The following ZNF804B variants were observed in gnomAD, a reference collection of about 807,000 sequenced individuals.
ZNF804B encodes zinc finger protein 804B.
Under a neutral mutation model 101.4 loss-of-function variants are expected in ZNF804B, and 80 were observed. The ratio of observed to expected loss-of-function variants is 0.79; its 90% CI spans 0.66 to 0.95. The LOEUF (loss-of-function observed/expected upper bound fraction) is 0.95, where lower values mean the gene tolerates loss of function less well. Ranked by LOEUF, ZNF804B falls within the 40% of genes least tolerant of loss-of-function variation. The pLI, the probability that ZNF804B is intolerant of heterozygous loss-of-function variation, is 0.00. For synonymous variants in ZNF804B, 622 were observed against 558.8 expected (o/e 1.11, Z -1.59); for missense variants, 1,673 against 1,561.9 (o/e 1.07, Z -1.20).
At chr7:88,997,171 G>C (rs559322351) in intron 1 of ZNF804B, among the ~76,000 whole-genome samples, 1 of 152,186 alleles carries the variant, frequency 6.6e-6, no homozygotes, top group South Asian at 2.1e-4. Flanking sequence ...ACTAGATCCA[G>C]ATTTGGGAGA....
chr7:89,208,460 G>A (rs1281305671), intron 1 of ZNF804B, among the ~76,000 whole-genome samples: 1 of 152,142 alleles, frequency 6.6e-6, no homozygotes, highest in Non-Finnish European at 1.5e-5. Flanking sequence ...ATCTGTATCT[G>A]ATCATTAAGA....
intron 2 of ZNF804B, among the ~76,000 whole-genome samples, chr7:89,229,699 A>T (rs1789158515): frequency 1.3e-5 from 2 of 152,264 alleles, no homozygotes; most frequent in African/African-American, 4.8e-5. Flanking sequence ...CTGAACAGTT[A>T]CATCAATCAA....
At chr7:88,810,769 A>G (rs769368696) in intron 1 of ZNF804B, among the ~76,000 whole-genome samples, 1 of 152,172 alleles carries the variant, frequency 6.6e-6, no homozygotes, top group Non-Finnish European at 1.5e-5. Context: ...GCACTTTGTT[A>G]AATAACCTTC....
intron 1 of ZNF804B, among the ~76,000 whole-genome samples, chr7:88,919,056 A>G (rs1408269579): frequency 6.6e-6 from 1 of 152,122 alleles, no homozygotes; most frequent in Non-Finnish European, 1.5e-5. Context: ...TTCAAATCTC[A>G]ATCATATATT....
chr7:89,180,749 T>C (rs1788285379), intron 1 of ZNF804B, among the ~76,000 whole-genome samples: 1 of 151,300 alleles, frequency 6.6e-6, no homozygotes, highest in South Asian at 2.1e-4. Flanking sequence ...GAAAGGGTGA[T>C]GCAAGCACTC....
intron 1 of ZNF804B, among the ~76,000 whole-genome samples, chr7:88,887,697 T>C (rs1333550091): frequency 6.6e-6 from 1 of 152,080 alleles, no homozygotes; most frequent in African/African-American, 2.4e-5. Flanking sequence ...AATTATATTA[T>C]GCCCAGCTTA....
chr7:89,082,930 A>G (rs1442837642), intron 1 of ZNF804B, among the ~76,000 whole-genome samples: 1 of 151,796 alleles, frequency 6.6e-6, no homozygotes, highest in African/African-American at 2.4e-5. Flanking sequence ...TTTGATATGT[A>G]GATAATTACA....
chr7:89,202,015 G>A (rs1012662695), intron 1 of ZNF804B, among the ~76,000 whole-genome samples: 1 of 151,796 alleles, frequency 6.6e-6, no homozygotes, highest in African/African-American at 2.4e-5. Flanking sequence ...GTTGTCCTTT[G>A]TATCTTATGA....
intron 1 of ZNF804B, among the ~76,000 whole-genome samples, chr7:89,002,827 G>A (rs1788308780): frequency 6.6e-6 from 1 of 151,910 alleles, no homozygotes; most frequent in Non-Finnish European, 1.5e-5. Context: ...ACAAAAAATA[G>A]AGGATTAATG....
chr7:88,790,513 A>T (rs568539702), intron 1 of ZNF804B, among the ~76,000 whole-genome samples: 8 of 152,184 alleles, frequency 5.3e-5, no homozygotes, highest in African/African-American at 1.9e-4. Context: ...ATAAGTGAGA[A>T]CATGAGGTAT....
At chr7:89,102,188 T>G (rs1390897782) in intron 1 of ZNF804B, among the ~76,000 whole-genome samples, 1 of 151,972 alleles carries the variant, frequency 6.6e-6, no homozygotes, top group Non-Finnish European at 1.5e-5. Flanking sequence ...GGGTAGATAT[T>G]CAGTAGAAGG....
At chr7:89,259,614 C>T (rs1789681892) in intron 2 of ZNF804B, among the ~76,000 whole-genome samples, 1 of 152,092 alleles carries the variant, frequency 6.6e-6, no homozygotes, top group Non-Finnish European at 1.5e-5. Flanking sequence ...CTAATGACCC[C>T]CTGATTTAGC....
At chr7:89,037,652 G>A (rs960535047) in intron 1 of ZNF804B, among the ~76,000 whole-genome samples, 1 of 151,780 alleles carries the variant, frequency 6.6e-6, no homozygotes, top group Non-Finnish European at 1.5e-5. Flanking sequence ...ATCAGTTTTT[G>A]TGTGTGATAA....
chr7:89,072,914 A>T (rs1036023451), intron 1 of ZNF804B, among the ~76,000 whole-genome samples: 4 of 152,150 alleles, frequency 2.6e-5, no homozygotes, highest in East Asian at 1.9e-4. Context: ...CACCTGGGCA[A>T]TAAACTATTA....
At chr7:89,107,750 A>G (rs1463015793) in intron 1 of ZNF804B, among the ~76,000 whole-genome samples, 5 of 152,166 alleles carry the variant, frequency 3.3e-5, no homozygotes, top group Non-Finnish European at 7.3e-5. Context: ...ATGGAGTTGT[A>G]TCCTATGTCT....
intron 1 of ZNF804B, among the ~76,000 whole-genome samples, chr7:89,066,359 A>G (rs1316300895): frequency 6.6e-6 from 1 of 152,078 alleles, no homozygotes; most frequent in Non-Finnish European, 1.5e-5. Context: ...TGGACCAAGG[A>G]TCAAATTGCA....
At position 89,075,172 on chromosome 7, in the gene ZNF804B, G is replaced by C. The variant is rs190627992; in HGVS notation, c.109-142983G>C. 2.4e-3 allele frequency among the ~76,000 whole-genome samples: 365 copies of C among 152,302 alleles called. 1 individual carries two copies. The highest frequency in any genetic ancestry group is 3.5e-3 in the Non-Finnish European group (238 of 68,024). On this transcript the variant is annotated intron_variant, in intron 1 of 3. Coordinates refer to ENST00000333190, the MANE Select transcript of ZNF804B (RefSeq NM_181646.5). Reference sequence around the variant, plus strand: ...ATTTTCTAAGGACAAATTCAAGCTGGCTTCAGAAATTTGCATAAGTAATGA... The same window carrying C: ...ATTTTCTAAGGACAAATTCAAGCTGCCTTCAGAAATTTGCATAAGTAATGA...
intron 1 of ZNF804B, among the ~76,000 whole-genome samples, chr7:88,904,933 T>C (rs1219919331): frequency 6.6e-6 from 1 of 152,178 alleles, no homozygotes; most frequent in Non-Finnish European, 1.5e-5. Context: ...TTTGGATGCC[T>C]TTTATTTCTT....
At chr7:89,120,515 G>A (rs1189817174) in intron 1 of ZNF804B, among the ~76,000 whole-genome samples, 4 of 151,524 alleles carry the variant, frequency 2.6e-5, no homozygotes, top group African/African-American at 9.7e-5. Flanking sequence ...AAAATTAGCC[G>A]GGCGTGGTGG....
Sources: gnomAD v4.1 joint callset for allele counts (sites outside exome capture counted in the v4.1 genomes callset) on GRCh38, gnomAD v4.1.1 for gene constraint, MANE v1.5 for transcripts, NCBI Gene and HGNC (gene_info 2026-07-23, HGNC 2026-07-21) for gene names.